The following ZNRF2 variants were observed in gnomAD, a reference collection of about 807,000 sequenced individuals.
ZNRF2 encodes the protein E3 ubiquitin-protein ligase ZNRF2.
Under a neutral mutation model 20.4 loss-of-function variants are expected in ZNRF2, and 16 were observed. The ratio of observed to expected loss-of-function variants is 0.79; its 90% CI spans 0.53 to 1.19. The LOEUF (loss-of-function observed/expected upper bound fraction) is 1.19, where lower values mean the gene tolerates loss of function less well. Ranked by LOEUF, ZNRF2 falls within the 50% of genes most tolerant of loss-of-function variation. The probability of loss-of-function intolerance (pLI) is 0.00; values close to 1 mark genes in which losing one functional copy is unlikely to be tolerated. For synonymous variants in ZNRF2, 178 were observed against 144.9 expected (o/e 1.23, Z -1.64); for missense variants, 363 against 332.4 (o/e 1.09, Z -0.72).
At chr7:30,360,565 G>A (rs1378182151) in intron 3 of ZNRF2, among the ~76,000 whole-genome samples, 2 of 152,010 alleles carry the variant, frequency 1.3e-5, no homozygotes, top group Non-Finnish European at 2.9e-5. Context: ...GGCAGGTGGC[G>A]CCTGTAATCC....
At chr7:30,338,005 A>G (rs1375126447) in intron 2 of ZNRF2, among the ~76,000 whole-genome samples, 1 of 152,126 alleles carries the variant, frequency 6.6e-6, no homozygotes, top group Non-Finnish European at 1.5e-5. Flanking sequence ...GCTGTACACA[A>G]TTCTGAACAT....
intron 1 of ZNRF2, among the ~76,000 whole-genome samples, chr7:30,287,469 T>C (rs893021694): frequency 3.3e-5 from 5 of 152,272 alleles, no homozygotes; most frequent in Admixed American, 6.5e-5. Flanking sequence ...ATTCATTTTC[T>C]AAGAGCTGAT....
intron 1 of ZNRF2, among the ~76,000 whole-genome samples, chr7:30,290,123 G>C (rs1241450641): frequency 1.3e-5 from 2 of 152,136 alleles, no homozygotes; most frequent in African/African-American, 4.8e-5. Flanking sequence ...TACTTCCTAA[G>C]TTTTATGTGA....
chr7:30,353,224 G>A (rs138645699), intron 2 of ZNRF2, among the ~76,000 whole-genome samples: 2 of 152,092 alleles, frequency 1.3e-5, no homozygotes, highest in African/African-American at 2.4e-5. Context: ...AAATGCAACT[G>A]ATCAGTGGCT....
intron 2 of ZNRF2, among the ~76,000 whole-genome samples, chr7:30,340,202 A>G (rs990849731): frequency 1.3e-5 from 2 of 152,158 alleles, no homozygotes; most frequent in African/African-American, 4.8e-5. Flanking sequence ...AGCAGAGACA[A>G]TTTGACTTCC....
chr7:30,298,107 GT>G (rs1562604722), intron 1 of ZNRF2, among the ~76,000 whole-genome samples: 1 of 151,702 alleles, frequency 6.6e-6, no homozygotes, highest in Non-Finnish European at 1.5e-5. Context: ...AATTTTTAAT[GT>G]TTTTAAAATT....
rs764026421 is a variant in ZNRF2, at chr7:30,295,058, T to G, written c.469+9232T>G. Among the ~76,000 whole-genome samples the G allele has an allele frequency of 7.6e-4, 57 of 74,628 alleles. 3 individuals are homozygous for G. Among genetic ancestry groups the G allele is most frequent in the African/African-American group, 3.7e-3 (47 of 12,758 alleles). The allele number at this position is 74,628 out of a possible 152,430, so 49.0% of individuals were successfully genotyped here. On this transcript the variant is annotated intron_variant, in intron 1 of 4. Coordinates refer to ENST00000323037, the MANE Select transcript of ZNRF2 (RefSeq NM_147128.4). Reference sequence around the variant, plus strand: ...GAGAGAGAGAGAGAGAGAGTGTGTGTGTGTGTGTGTGTGTGTGTGTGTGTG... The same window carrying G: ...GAGAGAGAGAGAGAGAGAGTGTGTGGGTGTGTGTGTGTGTGTGTGTGTGTG...
intron 2 of ZNRF2, among the ~76,000 whole-genome samples, chr7:30,325,888 T>A (rs1799543166): frequency 1.3e-5 from 2 of 152,188 alleles, no homozygotes; most frequent in Non-Finnish European, 2.9e-5. Flanking sequence ...TCATTCAAAA[T>A]TTGTGACTAA....
chr7:30,285,919 C>T, intron 1 of ZNRF2, 93 bp downstream of exon 1: 2 of 1,332,616 alleles, frequency 1.5e-6, no homozygotes, highest in Non-Finnish European at 1.9e-6. Flanking sequence ...TCCTTTTCTC[C>T]TTCTGCCGGG....
intron 1 of ZNRF2, among the ~76,000 whole-genome samples, chr7:30,302,889 A>G (rs139126790): frequency 5.3e-5 from 8 of 152,338 alleles, no homozygotes; most frequent in African/African-American, 9.6e-5. Flanking sequence ...GACAGCATCA[A>G]TGAAAGTTTA....
chr7:30,315,423 A>G (rs1799354431), intron 1 of ZNRF2, among the ~76,000 whole-genome samples: 1 of 152,136 alleles, frequency 6.6e-6, no homozygotes, highest in Non-Finnish European at 1.5e-5. Context: ...TGCAGAGTGT[A>G]GTGAAAAGAG....
At chr7:30,330,380 G>T (rs1799619094) in intron 2 of ZNRF2, among the ~76,000 whole-genome samples, 1 of 152,108 alleles carries the variant, frequency 6.6e-6, no homozygotes, top group Non-Finnish European at 1.5e-5. Flanking sequence ...GAAAGATTGA[G>T]CCAGTTGGAA....
chr7:30,359,948 A>G (rs1008840127), intron 3 of ZNRF2, among the ~76,000 whole-genome samples: 3 of 152,220 alleles, frequency 2.0e-5, no homozygotes, highest in Non-Finnish European at 4.4e-5. Context: ...AAATACCTGG[A>G]TAATAGTTTC....
chr7:30,328,992 A>C (rs972619165), intron 2 of ZNRF2, among the ~76,000 whole-genome samples: 1 of 152,172 alleles, frequency 6.6e-6, no homozygotes, highest in Non-Finnish European at 1.5e-5. Context: ...CATGTGCTTC[A>C]TTGTTGAGTT....
chr7:30,359,310 G>C (rs1419385091), intron 3 of ZNRF2, among the ~76,000 whole-genome samples: 3 of 152,078 alleles, frequency 2.0e-5, no homozygotes, highest in Non-Finnish European at 4.4e-5. Context: ...AAACTTATTT[G>C]TATCATGACC....
intron 3 of ZNRF2, among the ~76,000 whole-genome samples, chr7:30,359,484 G>T (rs1338730908): frequency 2.0e-5 from 3 of 152,052 alleles, no homozygotes; most frequent in African/African-American, 7.2e-5. Flanking sequence ...ATAATAACAG[G>T]ATCTTACTGG....
rs1482774014 is a variant in ZNRF2, at chr7:30,343,139, C to T, written c.566-12589C>T. 9.9e-5 allele frequency among the ~76,000 whole-genome samples: 15 copies of T among 152,010 alleles called. No homozygotes were observed. In the East Asian group the frequency reaches 2.1e-3, roughly 22 times the overall value. The stretch of plus-strand genomic sequence containing the variant: ...ACCAGCCTGGGCAACATAGTGAGAC[C>T]GTATCTCTATTTAAAAAATAGGAAA... On this transcript the variant is annotated intron_variant, in intron 2 of 4. Transcript: ENST00000323037.
intron 2 of ZNRF2, among the ~76,000 whole-genome samples, chr7:30,348,421 A>C (rs1799911110): frequency 6.6e-6 from 1 of 152,172 alleles, no homozygotes; most frequent in Non-Finnish European, 1.5e-5. Context: ...GGATAAGCTA[A>C]ATCTACAAGG....
At chr7:30,301,780 A>G (rs189707464) in intron 1 of ZNRF2, among the ~76,000 whole-genome samples, 76 of 152,136 alleles carry the variant, frequency 5.0e-4, no homozygotes, top group South Asian at 8.3e-4. Flanking sequence ...CATTATAACA[A>G]TCTCCGAAAA....
Sources: allele counts gnomAD v4.1 joint callset (sites outside exome capture counted in the v4.1 genomes callset), GRCh38; gene constraint gnomAD v4.1.1; transcripts MANE v1.5; gene names NCBI Gene and HGNC (gene_info 2026-07-23, HGNC 2026-07-21).